The following IRF2 variants were observed in gnomAD, a reference collection of about 807,000 sequenced individuals.
IRF2 encodes interferon regulatory factor 2.
Under a neutral mutation model 40.6 loss-of-function variants are expected in IRF2, and 15 were observed. The observed-to-expected ratio is 0.37, with a 90% CI of 0.25 to 0.57. The LOEUF is 0.57. IRF2 is among the 20% of genes least tolerant of loss of function. The pLI, the probability that IRF2 is intolerant of heterozygous loss-of-function variation, is 0.77. For synonymous variants in IRF2, 151 were observed against 165.5 expected, an observed-to-expected ratio of 0.91 and a Z score of 0.67; for missense variants, 317 against 455.7, an observed-to-expected ratio of 0.70 and a Z score of 2.77.
intron 1 of IRF2, among the ~76,000 whole-genome samples, chr4:184,455,243 T>TC (rs1561125225): frequency 3.5e-5 from 2 of 56,706 alleles, no homozygotes; most frequent in Non-Finnish European, 3.6e-5. Context: ...TTCTTCTTCC[T>TC]CCCCTCCCCT....
At chr4:184,450,688 AT>A (rs1738682992) in intron 1 of IRF2, among the ~76,000 whole-genome samples, 1 of 152,232 alleles carries the variant, frequency 6.6e-6, no homozygotes, top group Admixed American at 6.5e-5. Context: ...AAATATTTAG[AT>A]TCAAAATTTC....
At chr4:184,415,379 C>T (rs1474341101) in intron 5 of IRF2, among the ~76,000 whole-genome samples, 4 of 152,228 alleles carry the variant, frequency 2.6e-5, no homozygotes, top group African/African-American at 9.6e-5. Flanking sequence ...ACTTACTTCC[C>T]TGGGCCAGGA....
In IRF2 at chr4:184,463,274, A is replaced by G. The variant is rs534576521; in HGVS notation, c.-7+11105T>C. On this transcript the variant is annotated intron_variant, in intron 1 of 8. Coordinates refer to ENST00000393593, the MANE Select transcript of IRF2 (RefSeq NM_002199.4). ...AACTCTACTTTCCTTCAGTCCTTTC[A>G]GGACTGTACTACAACTTTCCCCTGT... Among the ~76,000 whole-genome samples, 8 of 152,348 alleles carry G rather than the reference A, an allele frequency of 5.3e-5. No homozygotes were observed. In the East Asian group the frequency reaches 1.5e-3, roughly 29 times the overall value.
chr4:184,419,569 CT>C lies in IRF2; in HGVS notation c.88-2del. 2.1e-6 allele frequency: 2 copies of C among 967,624 alleles called. No individual in the cohort carries two copies. The highest frequency in any genetic ancestry group is 2.9e-6 in the Non-Finnish European group (2 of 680,084). 59.9% of individuals were successfully genotyped at this position (967,624 alleles called of 1,614,324 possible). On this transcript the variant is annotated splice_acceptor_variant, in intron 2 of 8. Transcript: ENST00000393593. LOFTEE classifies it high-confidence loss of function. The stretch of plus-strand genomic sequence containing the variant: ...AGGGGATCTGAAAAATCTTCTTTTC[CT>C]GAAAAAAAAAAAAAAAAAAAAGGTA...
intron 1 of IRF2, among the ~76,000 whole-genome samples, chr4:184,456,529 C>T (rs1344725427): frequency 6.6e-6 from 1 of 152,244 alleles, no homozygotes; most frequent in Non-Finnish European, 1.5e-5. Context: ...CAGAGTCAGC[C>T]ATGTGTCCTC....
At chr4:184,428,780 T>C in intron 2 of IRF2, 198 bp downstream of exon 2, 2 of 590,652 alleles carry the variant, frequency 3.4e-6, no homozygotes, top group South Asian at 1.7e-5. Flanking sequence ...GCGTGGGCCA[T>C]ATAGTGAGAC....
intron 6 of IRF2, among the ~76,000 whole-genome samples, chr4:184,399,386 G>A (rs932805721): frequency 2.0e-5 from 3 of 152,226 alleles, no homozygotes; most frequent in Non-Finnish European, 2.9e-5. Flanking sequence ...CGAGGCCACA[G>A]GACCAGAGGC....
chr4:184,416,329 A>C (rs1444944908), intron 5 of IRF2, among the ~76,000 whole-genome samples: 25 of 37,842 alleles, frequency 6.6e-4, no homozygotes, highest in African/African-American at 9.6e-4. Flanking sequence ...AAAAAAAAAC[A>C]AAAAAAAAAA....
In IRF2 at chr4:184,407,181, C is replaced by T. The variant is rs775042641; in HGVS notation, c.529+977G>A. The T allele has an allele frequency of 1.9e-5, 24 of 1,289,234 alleles. 1 individual carries two copies. The South Asian group carries it at 2.0e-4, about 11-fold the overall frequency. 79.9% of individuals were successfully genotyped at this position (1,289,234 alleles called of 1,614,324 possible). On this transcript the variant is annotated intron_variant, in intron 6 of 8. Transcript: ENST00000393593. Reference sequence around the variant, plus strand: ...AATACAAAAAAAGCACTGCTAACCTCGGCAAGAGGCCAGCGGAGGCCTGTC... The same window carrying T: ...AATACAAAAAAAGCACTGCTAACCTTGGCAAGAGGCCAGCGGAGGCCTGTC...
At chr4:184,447,283 A>G (rs1212850049) in intron 1 of IRF2, among the ~76,000 whole-genome samples, 2 of 152,246 alleles carry the variant, frequency 1.3e-5, no homozygotes, top group African/African-American at 4.8e-5. Context: ...CACATCTAAG[A>G]CAATCTGAGC....
intron 7 of IRF2, among the ~76,000 whole-genome samples, chr4:184,392,839 C>G (rs997026478): frequency 6.6e-6 from 1 of 152,124 alleles, no homozygotes; most frequent in African/African-American, 2.4e-5. Context: ...CCTGAGTGAT[C>G]GCGGTGGGCT....
chr4:184,415,218 A>G (rs767308096), intron 5 of IRF2, among the ~76,000 whole-genome samples: 1 of 152,262 alleles, frequency 6.6e-6, no homozygotes, highest in Non-Finnish European at 1.5e-5. Context: ...GTTTAGGCCT[A>G]ATGAATCACC....
intron 8 of IRF2, 131 bp from the exon 9 acceptor site, chr4:184,389,197 A>T: frequency 1.2e-6 from 1 of 856,120 alleles, no homozygotes; most frequent in South Asian, 1.5e-5. Flanking sequence ...AGGCTGGAGG[A>T]TCACTTAACC....
At chr4:184,461,441 G>A (rs767899144) in intron 1 of IRF2, among the ~76,000 whole-genome samples, 7 of 152,118 alleles carry the variant, frequency 4.6e-5, no homozygotes, top group Middle Eastern at 3.2e-3. Context: ...AAGTAAAATC[G>A]TTTCTGGAAC....
intron 7 of IRF2, among the ~76,000 whole-genome samples, chr4:184,395,439 G>A (rs1736418504): frequency 7.2e-6 from 1 of 138,844 alleles, no homozygotes; most frequent in Non-Finnish European, 1.6e-5. Context: ...AAAAAAAGGT[G>A]GTCAGAGGAG....
chr4:184,417,464 G>A (rs1348993916), intron 5 of IRF2, among the ~76,000 whole-genome samples: 1 of 152,172 alleles, frequency 6.6e-6, no homozygotes, highest in Non-Finnish European at 1.5e-5. Context: ...TCTCTGCTCA[G>A]CCACTGAAGC....
chr4:184,393,139 G>T (rs2149890853), intron 7 of IRF2, among the ~76,000 whole-genome samples: 1 of 152,304 alleles, frequency 6.6e-6, no homozygotes, highest in East Asian at 1.9e-4. Context: ...GAAAAATGAG[G>T]AACAGAGATG....
intron 1 of IRF2, 95 bp from the exon 2 acceptor site, chr4:184,429,165 T>A: frequency 4.2e-6 from 3 of 711,026 alleles, no homozygotes; most frequent in Non-Finnish European, 7.1e-6. Context: ...TTTCCTTCTC[T>A]CCTTTCCTGG....
intron 1 of IRF2, among the ~76,000 whole-genome samples, chr4:184,466,557 T>C (rs60471151): frequency 0.02 from 3,001 of 152,264 alleles, 111 homozygotes; most frequent in African/African-American, 0.068. Context: ...AATAAAACAG[T>C]ACCAAGGAAG....
Sources: gnomAD v4.1 joint callset for allele counts (sites outside exome capture counted in the v4.1 genomes callset) on GRCh38, gnomAD v4.1.1 for gene constraint, MANE v1.5 for transcripts, NCBI Gene and HGNC (gene_info 2026-07-23, HGNC 2026-07-21) for gene names.